AMY2B: variants seen among roughly 807,000 people sequenced by gnomAD.
The protein encoded by AMY2B is amylase alpha 2B.
AMY2B carries 63 observed loss-of-function variants against 59.3 expected under a neutral mutation model. The observed-to-expected ratio is 1.06, with a 90% confidence interval of 0.87 to 1.31. AMY2B has a LOEUF of 1.31. AMY2B is among the 50% of genes most tolerant of loss of function. The pLI, the probability that AMY2B is intolerant of heterozygous loss-of-function variation, is 0.00. For synonymous variants in AMY2B, 180 were observed against 198.1 expected (o/e 0.91, Z 0.77); for missense variants, 635 against 626.7 (o/e 1.01, Z -0.14).
At chr1:103,574,827 A>T (rs773509501) in intron 5 of AMY2B, among the ~76,000 whole-genome samples, 2 of 151,532 alleles carry the variant, frequency 1.3e-5, no homozygotes, top group Admixed American at 1.3e-4. Flanking sequence ...ACCTAGTTTG[A>T]CATTCCGTAA....
intron 1 of AMY2B, chr1:103,555,126 A>G (rs1300181313): frequency 6.6e-6 from 1 of 152,068 alleles, no homozygotes; most frequent in Non-Finnish European, 1.5e-5. Context: ...AACAGCTTTG[A>G]AAGTGTATTT....
At chr1:103,570,388 A>G (rs916323208), upstream of AMY2B, 9 of 866,356 alleles carry the variant, frequency 1.0e-5, no homozygotes, top group East Asian at 6.6e-5. Context: ...ACCATCTTCA[A>G]CTCCATCATG....
Position 103,572,943 on chromosome 1 carries a change from A to G in AMY2B, c.316-120A>G, listed in dbSNP as rs1463272244. 9.6e-6 allele frequency: 15 copies of G among 1,569,820 alleles called. 1 individual carries two copies. The South Asian group carries it at 1.3e-4, about 13-fold the overall frequency. ...TTGATTTTTGATCTTGTAGGAAAAT[A>G]GTTATAAGATATCATGAAATATTTT... On this transcript the variant is annotated intron_variant, in intron 2 of 9. Transcript: ENST00000684275.
rs184682985 is a variant in AMY2B at position 103,561,965 on chromosome 1, G to T, written c.-206-3470G>T. The stretch of plus-strand genomic sequence containing the variant: ...GTAAGAGGTTATAGAAAATCTATAA[G>T]ATTCTAAATTCAGCAATTTTTTTTC... On this transcript the variant is annotated intron_variant, in intron 1 of 11. Coordinates refer to the AMY2B transcript ENST00000361355. 5.9e-5 allele frequency: 9 copies of T among 152,262 alleles called. No homozygotes were observed. The South Asian group carries it at 1.5e-3, about 25-fold the overall frequency. 9.4% of individuals were successfully genotyped at this position (152,262 alleles called of 1,614,324 possible). A position where few individuals can be genotyped will look rare whatever the true frequency, so the allele number is the denominator to read the frequency against.
intron 4 of AMY2B, 45 bp downstream of exon 4, chr1:103,573,983 A>G (rs755592338): frequency 1.1e-4 from 181 of 1,612,906 alleles, no homozygotes; most frequent in Non-Finnish European, 1.5e-4. Context: ...CTTATTCATT[A>G]GAAAATAATG....
intron 1 of AMY2B, 117 bp downstream of exon 1, chr1:103,571,887 A>G: frequency 6.3e-7 from 1 of 1,594,720 alleles, no homozygotes; most frequent in Non-Finnish European, 8.5e-7. Flanking sequence ...ATTCTAAGTA[A>G]GAGTTTTCTG....
intron 2 of AMY2B, 31 bp downstream of exon 2, chr1:103,572,287 A>T (rs1360064540): frequency 5.0e-6 from 8 of 1,602,836 alleles, no homozygotes; most frequent in Non-Finnish European, 6.8e-6. Context: ...TTGAAAAATA[A>T]CAGATAGGAA....
At chr1:103,556,647 T>C (rs1651562751) in intron 1 of AMY2B, among the ~76,000 whole-genome samples, 1 of 152,090 alleles carries the variant, frequency 6.6e-6, no homozygotes, top group South Asian at 2.1e-4. Flanking sequence ...GTACTAAGTA[T>C]ATAGTACTTA....
At chr1:103,569,522 G>A (rs1021629612), upstream of AMY2B, 29 of 269,848 alleles carry the variant, frequency 1.1e-4, no homozygotes, top group African/African-American at 5.3e-4. Flanking sequence ...TTGTCCTGCC[G>A]CTCCACTGTC....
intron 1 of AMY2B, among the ~76,000 whole-genome samples, chr1:103,562,329 A>AT (rs1651759110): frequency 6.6e-6 from 1 of 152,160 alleles, no homozygotes; most frequent in Non-Finnish European, 1.5e-5. Flanking sequence ...GGCAAACTTG[A>AT]TTATCTGTGC....
intron 2 of AMY2B, among the ~76,000 whole-genome samples, chr1:103,566,108 G>A (rs915065030): frequency 2.0e-5 from 3 of 151,952 alleles, no homozygotes; most frequent in African/African-American, 7.2e-5. Context: ...TCTTCTACAT[G>A]TTTTTCTTAC....
chr1:103,571,175 C>T (rs1305887393), upstream of AMY2B: 45 of 821,376 alleles, frequency 5.5e-5, no homozygotes, highest in Non-Finnish European at 7.7e-6. Context: ...TGCCAGAACA[C>T]CATGGGCTGT....
In AMY2B at chr1:103,572,160, G is replaced by A. The variant is rs1652161125; in HGVS notation, c.219G>A (p.Trp73Ter). ...CAATTCACAACCCTTTCAGACCTTG[G>A]TGGGAAAGATACCAACCAGTTAGCT... is the stretch of plus-strand genomic sequence containing the variant. The part of the protein sequence containing the change: ...NVAIHNPFRP[W>*]WERYQPVSYK... Residue 73 changes from tryptophan (W) to a stop codon, truncating the protein, a stop_gained, in exon 2 of 10, where the codon TGG becomes TGA. Coordinates refer to ENST00000684275, the MANE Select transcript of AMY2B (RefSeq NM_001387437.1). LOFTEE classifies it high-confidence loss of function. 2 of 1,611,648 alleles carry A rather than the reference G, an allele frequency of 1.2e-6. No homozygotes were observed. Among genetic ancestry groups the A allele is most frequent in the Non-Finnish European group, 1.7e-6 (2 of 1,179,702 alleles).
intron 7 of AMY2B, among the ~76,000 whole-genome samples, chr1:103,575,967 T>A (rs187113557): frequency 6.6e-6 from 1 of 152,140 alleles, no homozygotes; most frequent in Non-Finnish European, 1.5e-5. Context: ...TTATATGGAA[T>A]ACAAAAAAAT....
In AMY2B at chr1:103,571,715, A is replaced by G; in HGVS notation, c.113A>G (p.Asp38Gly). ...CATCTGTTTGAATGGCGATGGGTTG[A>G]TATTGCTCTTGAATGTGAGCGATAT... is the stretch of plus-strand genomic sequence containing the variant. ...IVHLFEWRWV[D>G]IALECERYLA... Residue 38 changes from aspartate to glycine, a missense_variant, in exon 1 of 10, where the codon GAT (aspartate) becomes GGT (glycine). Coordinates refer to ENST00000684275, the MANE Select transcript of AMY2B (RefSeq NM_001387437.1). 6.2e-7 allele frequency: 1 copy of G among 1,611,944 alleles called. No homozygotes were observed. Among genetic ancestry groups the G allele is most frequent in the Non-Finnish European group, 8.5e-7 (1 of 1,179,816 alleles).
rs140826288 is a variant in AMY2B at position 103,573,850 on chromosome 1, C to T, written c.656C>T (p.Pro219Leu). Residue 219 changes from proline (P) to leucine (L), a missense_variant, in exon 4 of 10, where the codon CCT becomes CTT. Physicochemically the swap from Pro to Leu is moderately conservative, Grantham distance 98. Transcript: ENST00000684275. Reference protein sequence around the residue: ...FRLDASKHMWPGDIKAILDKL... With the variant: ...FRLDASKHMWLGDIKAILDKL... ...CTTGATGCTTCCAAGCACATGTGGC[C>T]TGGAGACATAAAGGCAATTTTGGAC... 2.7e-5 allele frequency: 43 copies of T among 1,613,684 alleles called. No homozygotes were observed. Among genetic ancestry groups the T allele is most frequent in the Non-Finnish European group, 3.5e-5 (41 of 1,179,784 alleles).
At chr1:103,559,645 A>G (rs1651671237) in intron 1 of AMY2B, among the ~76,000 whole-genome samples, 1 of 152,220 alleles carries the variant, frequency 6.6e-6, no homozygotes, top group Non-Finnish European at 1.5e-5. Flanking sequence ...AAGAAAAATA[A>G]TAAAAGCAAA....
chr1:103,573,634 A>C, intron 3 of AMY2B, 74 bp from the exon 4 acceptor site: 2 of 1,593,474 alleles, frequency 1.3e-6, no homozygotes, highest in South Asian at 1.1e-5. Context: ...TCATGGAATA[A>C]ATGAATAATC....
At chr1:103,565,934 A>G (rs1651893998) in intron 2 of AMY2B, among the ~76,000 whole-genome samples, 1 of 152,110 alleles carries the variant, frequency 6.6e-6, no homozygotes, top group Non-Finnish European at 1.5e-5. Context: ...TTTTATTATT[A>G]CTTTCCTGTT....
Sources: gnomAD v4.1 joint callset for allele counts (sites outside exome capture counted in the v4.1 genomes callset) on GRCh38, gnomAD v4.1.1 for gene constraint, MANE v1.5 for transcripts, NCBI Gene and HGNC (gene_info 2026-07-23, HGNC 2026-07-21) for gene names.